Variants in PCDHA1 observed in about 807,000 individuals in gnomAD.
The protein encoded by PCDHA1 is protocadherin alpha-1.
In PCDHA1, 42 loss-of-function variants were observed where a neutral mutation model predicts 61.3. That is an observed-to-expected ratio of 0.69 (90% CI 0.54 to 0.89). The LOEUF (loss-of-function observed/expected upper bound fraction) is 0.89, where lower values mean the gene tolerates loss of function less well. Among genes scored for constraint, PCDHA1 ranks in the 40% least tolerant of loss-of-function variants. The probability of loss-of-function intolerance (pLI) is 0.00; values close to 1 mark genes in which losing one functional copy is unlikely to be tolerated. For synonymous variants in PCDHA1, 610 were observed against 553.8 expected, an observed-to-expected ratio of 1.10 and a Z score of -1.43; for missense variants, 1,256 against 1,235.3, an observed-to-expected ratio of 1.02 and a Z score of -0.25.
chr5:140,829,742 C>T (rs1770532767), intron 1 of PCDHA1: 2 of 1,613,562 alleles, frequency 1.2e-6, no homozygotes, highest in Admixed American at 1.7e-5. Flanking sequence ...CAACGTGACG[C>T]TGCAGGTGTT....
intron 1 of PCDHA1, among the ~76,000 whole-genome samples, chr5:140,911,721 A>G (rs1442469379): frequency 6.6e-6 from 1 of 152,168 alleles, no homozygotes; most frequent in African/African-American, 2.4e-5. Context: ...GTAACTCTGT[A>G]AACAGTTCGT....
rs992640978 is a variant in PCDHA1 at position 140,796,019 on chromosome 5, T to C, written c.2394+7335T>C. 4 of 1,614,054 alleles carry C rather than the reference T, an allele frequency of 2.5e-6. No individual in the cohort carries two copies. In the African/African-American group the frequency reaches 4.0e-5, roughly 16 times the overall value. ...AATGATAACACACCAGAAGTCTCAA[T>C]AACGTCTCTCTCACTTCCCATCTCA... On this transcript the variant is annotated intron_variant, in intron 1 of 3. Transcript: ENST00000504120.
At position 141,010,632 on chromosome 5, in the gene PCDHA1, A is replaced by G. The variant is rs782191972; in HGVS notation, c.*695A>G. The G allele has an allele frequency of 1.6e-5, 3 of 185,902 alleles. No individual in the cohort carries two copies. Among genetic ancestry groups the G allele is most frequent in the Non-Finnish European group, 3.4e-5 (3 of 88,214 alleles). The allele number at this position is 185,902 out of a possible 1,614,324, so 11.5% of individuals were successfully genotyped here. On this transcript the variant is annotated 3_prime_UTR_variant, in exon 4 of 4. Coordinates refer to ENST00000504120, the MANE Select transcript of PCDHA1 (RefSeq NM_018900.4). ...ACCTAAAATCTGCATCATACCTGCAAGCCAACAGTTCAGTGTTTTAACAGA... is the reference window on the plus strand; with the variant it reads ...ACCTAAAATCTGCATCATACCTGCAGGCCAACAGTTCAGTGTTTTAACAGA...
intron 1 of PCDHA1, chr5:140,871,565 G>A: frequency 3.4e-6 from 5 of 1,483,114 alleles, no homozygotes; most frequent in South Asian, 1.4e-5. Context: ...TTTTTTTCAC[G>A]GATTTTTTAA....
chr5:140,967,006 C>G, intron 1 of PCDHA1: 1 of 1,605,750 alleles, frequency 6.2e-7, no homozygotes, highest in Non-Finnish European at 8.5e-7. Flanking sequence ...TGCGCATCAA[C>G]CATCTGGGTG....
At chr5:140,849,808 C>T (rs2150450895) in intron 1 of PCDHA1, 6 of 1,598,320 alleles carry the variant, frequency 3.8e-6, no homozygotes, top group South Asian at 1.1e-5. Flanking sequence ...CTGTGGGCCA[C>T]GGCCAGGGTG....
intron 1 of PCDHA1, chr5:140,821,619 T>G: frequency 5.8e-6 from 5 of 868,556 alleles, no homozygotes; most frequent in Non-Finnish European, 8.6e-6. Flanking sequence ...GAGTAGATTT[T>G]CCTTAGACAG....
chr5:140,823,068 G>C, intron 1 of PCDHA1: 1 of 1,614,034 alleles, frequency 6.2e-7, no homozygotes, highest in Non-Finnish European at 8.5e-7. Context: ...ACGGGGGCTC[G>C]CCTTCGCTGT....
chr5:140,881,959 C>G (rs1012115110), intron 1 of PCDHA1: 146 of 352,464 alleles, frequency 4.1e-4, no homozygotes, highest in Non-Finnish European at 1.3e-4. Context: ...AACATTTAAT[C>G]TTCAATTACA....
At chr5:140,901,713 A>G (rs1463520839) in intron 1 of PCDHA1, among the ~76,000 whole-genome samples, 1 of 151,994 alleles carries the variant, frequency 6.6e-6, no homozygotes, top group Non-Finnish European at 1.5e-5. Context: ...ACATTTTCAG[A>G]TTGTCTTTTC....
At chr5:140,977,589 G>A (rs567353301) in intron 1 of PCDHA1, among the ~76,000 whole-genome samples, 15 of 152,274 alleles carry the variant, frequency 9.9e-5, no homozygotes, top group Admixed American at 2.6e-4. Flanking sequence ...AGAGCAGTTA[G>A]CATGTGAGGA....
rs1554168215 is a variant in PCDHA1, at chr5:140,876,039, T to A, written c.2394+87355T>A. 3 of 1,613,746 alleles carry A rather than the reference T, an allele frequency of 1.9e-6. No individual in the cohort carries two copies. Among genetic ancestry groups the A allele is most frequent in the South Asian group, 2.2e-5 (2 of 91,062 alleles). On this transcript the variant is annotated intron_variant, in intron 1 of 3. Transcript: ENST00000504120. ...AAATAAAAACAAAAAAAGATAAAAG[T>A]ATATTGCCTGAATTAGTTCTTCGGA...
At chr5:140,829,696 G>A (rs2150172625) in intron 1 of PCDHA1, 2 of 1,613,274 alleles carry the variant, frequency 1.2e-6, no homozygotes, top group Non-Finnish European at 1.7e-6. Context: ...AGTTTCAGGT[G>A]AGCGCGCGCG....
At chr5:140,897,032 T>C (rs2065847458) in intron 1 of PCDHA1, among the ~76,000 whole-genome samples, 2 of 152,146 alleles carry the variant, frequency 1.3e-5, no homozygotes, top group Non-Finnish European at 2.9e-5. Flanking sequence ...ATTTAGACCA[T>C]AGTCACCCTA....
intron 1 of PCDHA1, chr5:140,809,693 C>T: frequency 1.7e-6 from 2 of 1,199,102 alleles, no homozygotes; most frequent in Non-Finnish European, 2.3e-6. Flanking sequence ...TTTACATATC[C>T]ATTTTAACTA....
At chr5:140,837,107 A>G (rs1774915292) in intron 1 of PCDHA1, 1 of 159,760 alleles carries the variant, frequency 6.3e-6, no homozygotes, top group Admixed American at 6.2e-5. Context: ...AATTTAATAT[A>G]TATGTTACCT....
intron 1 of PCDHA1, among the ~76,000 whole-genome samples, chr5:140,925,287 A>G (rs905857397): frequency 4.7e-4 from 72 of 152,294 alleles, no homozygotes; most frequent in African/African-American, 1.7e-3. Context: ...TGCCTTTCAA[A>G]TGTTTCATTA....
rs2098415057 is a variant in PCDHA1, at chr5:141,009,865, A to G, written c.2781A>G (p.Lys927=). ...AGGAGGAGACCAAGAAAAAGAAGAAAAAGAAGAAGGGTAACAAGACCCAGG... is the reference window on the plus strand; with the variant it reads ...AGGAGGAGACCAAGAAAAAGAAGAAGAAGAAGAAGGGTAACAAGACCCAGG... ...GKKEETKKKK[K]KKKGNKTQEK... The change falls in exon 4 of 4, where the codon AAA becomes AAG. Residue 927 remains lysine, a synonymous_variant. Transcript: ENST00000504120. The G allele has an allele frequency of 6.2e-7, 1 of 1,614,076 alleles. No homozygotes were observed.
At chr5:140,969,342 G>T (rs1216517284) in intron 1 of PCDHA1, 2 of 1,613,512 alleles carry the variant, frequency 1.2e-6, no homozygotes, top group Non-Finnish European at 1.7e-6. Flanking sequence ...GTGAGACAGT[G>T]GTCAGGGGGT....
Sources: gnomAD v4.1 joint callset for allele counts (sites outside exome capture counted in the v4.1 genomes callset) on GRCh38, gnomAD v4.1.1 for gene constraint, MANE v1.5 for transcripts, NCBI Gene and HGNC (gene_info 2026-07-23, HGNC 2026-07-21) for gene names.